EDIL3: variants seen among roughly 807,000 people sequenced by gnomAD.
EDIL3 encodes the protein EGF like and discoidin domains 3.
A neutral mutation model predicts 67.4 loss-of-function variants in EDIL3; 37 were observed. The ratio of observed to expected loss-of-function variants is 0.55; its 90% CI spans 0.42 to 0.72. The LOEUF (loss-of-function observed/expected upper bound fraction) is 0.72, where lower values mean the gene tolerates loss of function less well. Among genes scored for constraint, EDIL3 ranks in the 30% least tolerant of loss-of-function variants. The pLI, the probability that EDIL3 is intolerant of heterozygous loss-of-function variation, is 0.00. For synonymous variants in EDIL3, 195 were observed against 196.3 expected (o/e 0.99, Z 0.05); for missense variants, 527 against 586.3 (o/e 0.90, Z 1.04).
chr5:84,267,158 T>TCTCC (rs1745367269), intron 1 of EDIL3, among the ~76,000 whole-genome samples: 1 of 152,198 alleles, frequency 6.6e-6, no homozygotes, highest in African/African-American at 2.4e-5. Context: ...GTCTTCACTT[T>TCTCC]CTCCCTTCAC....
chr5:84,175,785 G>C (rs1748891843), intron 4 of EDIL3, among the ~76,000 whole-genome samples: 1 of 152,092 alleles, frequency 6.6e-6, no homozygotes, highest in Admixed American at 6.6e-5. Flanking sequence ...CCTTAAGTCA[G>C]TAATCCTCAA....
intron 1 of EDIL3, among the ~76,000 whole-genome samples, chr5:84,341,509 A>G (rs1561262809): frequency 6.6e-6 from 1 of 152,110 alleles, no homozygotes; most frequent in Non-Finnish European, 1.5e-5. Context: ...CGTGTTCCTA[A>G]TCTTTCTATA....
At chr5:84,086,947 G>C (rs571441069) in intron 6 of EDIL3, among the ~76,000 whole-genome samples, 2 of 152,190 alleles carry the variant, frequency 1.3e-5, no homozygotes, top group East Asian at 3.9e-4. Context: ...GAGGGGAGAA[G>C]AGGATGTGTG....
intron 3 of EDIL3, among the ~76,000 whole-genome samples, chr5:84,198,545 T>G (rs1743763535): frequency 6.6e-6 from 1 of 152,100 alleles, no homozygotes; most frequent in Admixed American, 6.6e-5. Flanking sequence ...GTGATCAGAA[T>G]GAGTAAAGAA....
chr5:84,139,238 G>T (rs2112317993), intron 4 of EDIL3, among the ~76,000 whole-genome samples: 1 of 151,016 alleles, frequency 6.6e-6, no homozygotes, highest in African/African-American at 2.4e-5. Flanking sequence ...CTCTGTCTCG[G>T]GGGAAAAAAA....
intron 4 of EDIL3, among the ~76,000 whole-genome samples, chr5:84,138,232 G>A (rs1158680845): frequency 6.6e-6 from 1 of 152,146 alleles, no homozygotes; most frequent in African/African-American, 2.4e-5. Flanking sequence ...TTCCAGTTGA[G>A]CTCCCTATCT....
chr5:84,227,220 A>T (rs1327935055), intron 3 of EDIL3, among the ~76,000 whole-genome samples: 2 of 151,992 alleles, frequency 1.3e-5, no homozygotes, highest in African/African-American at 4.8e-5. Context: ...CAGAATCTAT[A>T]AGGAACTTAA....
chr5:84,252,234 G>A (rs1366653684), intron 2 of EDIL3, among the ~76,000 whole-genome samples: 1 of 152,024 alleles, frequency 6.6e-6, no homozygotes, highest in Non-Finnish European at 1.5e-5. Flanking sequence ...GCTCACGCCT[G>A]TAATCCCAAC....
At chr5:84,023,798 T>C (rs1015372784) in intron 9 of EDIL3, among the ~76,000 whole-genome samples, 5 of 152,030 alleles carry the variant, frequency 3.3e-5, no homozygotes, top group Non-Finnish European at 1.5e-5. Context: ...CTAACTGACA[T>C]GGGGTAAAAT....
intron 1 of EDIL3, among the ~76,000 whole-genome samples, chr5:84,283,532 C>T (rs1745745154): frequency 6.6e-6 from 1 of 152,076 alleles, no homozygotes; most frequent in Non-Finnish European, 1.5e-5. Context: ...GCTTAAAAAC[C>T]TTCAGTGGTG....
At chr5:83,980,773 C>T (rs1212818964) in intron 9 of EDIL3, among the ~76,000 whole-genome samples, 1 of 148,328 alleles carries the variant, frequency 6.7e-6, no homozygotes, top group East Asian at 2.0e-4. Context: ...AATATTAGAA[C>T]TAATAAACAA....
chr5:84,291,693 T>C (rs994538083), intron 1 of EDIL3, among the ~76,000 whole-genome samples: 2 of 146,878 alleles, frequency 1.4e-5, no homozygotes, highest in Non-Finnish European at 3.0e-5. Flanking sequence ...GATATATCTA[T>C]ATATCTATCT....
At position 84,124,991 on chromosome 5, in the gene EDIL3, A is replaced by G. The variant is rs1344040614; in HGVS notation, c.469+12250T>C. On this transcript the variant is annotated intron_variant, in intron 5 of 10. Coordinates refer to ENST00000296591, the MANE Select transcript of EDIL3 (RefSeq NM_005711.5). ...TCCCTTGAACTACTTATTATTAATTAATATGAGGAATATTATTAAATTTAA... is the reference window on the plus strand; with the variant it reads ...TCCCTTGAACTACTTATTATTAATTGATATGAGGAATATTATTAAATTTAA... Among the ~76,000 whole-genome samples, 4 of 152,166 alleles carry G rather than the reference A, an allele frequency of 2.6e-5. No individual in the cohort carries two copies. The South Asian group carries it at 8.3e-4, about 32-fold the overall frequency.
intron 9 of EDIL3, among the ~76,000 whole-genome samples, chr5:83,988,412 T>C (rs1316555898): frequency 6.6e-6 from 1 of 152,206 alleles, no homozygotes; most frequent in Non-Finnish European, 1.5e-5. Flanking sequence ...TTTGCTTCCA[T>C]AAGTGCTAGA....
At chr5:83,955,367 T>C (rs1361233491) in intron 10 of EDIL3, among the ~76,000 whole-genome samples, 2 of 151,678 alleles carry the variant, frequency 1.3e-5, no homozygotes, top group Non-Finnish European at 2.9e-5. Flanking sequence ...ACTTTGATAA[T>C]ACTGCTATGT....
At chr5:84,145,795 C>A (rs1748281953) in intron 4 of EDIL3, among the ~76,000 whole-genome samples, 1 of 142,298 alleles carries the variant, frequency 7.0e-6, no homozygotes, top group Non-Finnish European at 1.5e-5. Context: ...ATAAGAAAAT[C>A]TTTGTTTATC....
chr5:84,302,352 A>G (rs1171814198), intron 1 of EDIL3, among the ~76,000 whole-genome samples: 1 of 152,134 alleles, frequency 6.6e-6, no homozygotes, highest in Non-Finnish European at 1.5e-5. Context: ...GCTAGAGTGC[A>G]GTGGCACAAT....
At chr5:84,252,612 A>C (rs1745047000) in intron 2 of EDIL3, among the ~76,000 whole-genome samples, 2 of 151,738 alleles carry the variant, frequency 1.3e-5, no homozygotes, top group African/African-American at 4.8e-5. Flanking sequence ...AATATTATAT[A>C]CTATTATACA....
chr5:84,300,461 G>A (rs1029093277), intron 1 of EDIL3, among the ~76,000 whole-genome samples: 2 of 152,038 alleles, frequency 1.3e-5, no homozygotes, highest in Admixed American at 6.6e-5. Context: ...AGGAAAGATG[G>A]GCACATCTTT....
Sources: allele counts gnomAD v4.1 joint callset (sites outside exome capture counted in the v4.1 genomes callset), GRCh38; gene constraint gnomAD v4.1.1; transcripts MANE v1.5; gene names NCBI Gene and HGNC (gene_info 2026-07-23, HGNC 2026-07-21).